KCNJ6: variants seen among roughly 807,000 people sequenced by gnomAD.
KCNJ6 encodes potassium inwardly rectifying channel subfamily J member 6.
In KCNJ6, 9 loss-of-function variants were observed where a neutral mutation model predicts 34.2. That is an observed-to-expected ratio of 0.26 (90% CI 0.16 to 0.46). KCNJ6 has a LOEUF of 0.46. KCNJ6 is among the 20% of genes least tolerant of loss of function. The pLI is 1.00. For synonymous variants in KCNJ6, 196 were observed against 207.1 expected, an observed-to-expected ratio of 0.95 and a Z score of 0.46; for missense variants, 236 against 531.3, an observed-to-expected ratio of 0.44 and a Z score of 5.46.
intron 2 of KCNJ6, among the ~76,000 whole-genome samples, chr21:37,728,558 G>T (rs1201412622): frequency 2.0e-5 from 3 of 152,184 alleles, no homozygotes; most frequent in Non-Finnish European, 4.4e-5. Flanking sequence ...TGCAGGAAGA[G>T]CTTACAAAGA....
At chr21:37,732,213 G>A (rs1375266047) in intron 2 of KCNJ6, among the ~76,000 whole-genome samples, 7 of 152,182 alleles carry the variant, frequency 4.6e-5, no homozygotes, top group Non-Finnish European at 1.0e-4. Flanking sequence ...TCAGAGAGAA[G>A]ATGGGCCCCT....
chr21:37,852,987 A>G (rs946333813), intron 1 of KCNJ6, among the ~76,000 whole-genome samples: 3 of 152,108 alleles, frequency 2.0e-5, no homozygotes, highest in African/African-American at 7.2e-5. Flanking sequence ...TGGACACTAG[A>G]GAGAAAATAG....
intron 3 of KCNJ6, among the ~76,000 whole-genome samples, chr21:37,677,148 A>G (rs2054568523): frequency 6.6e-6 from 1 of 152,208 alleles, no homozygotes; most frequent in Admixed American, 6.5e-5. Flanking sequence ...CTTGGACTGC[A>G]GGACTGGTCC....
rs1437469902 is a variant in KCNJ6 at position 37,912,523 on chromosome 21, C to T, written c.-28+3361G>A. ...CTATATTCTCGTATAGCTTCATCCT[C>T]ATAATGAACGTCTACTTCCCTTCTG... On this transcript the variant is annotated intron_variant, in intron 1 of 3. Transcript: ENST00000609713. 2.6e-5 allele frequency among the ~76,000 whole-genome samples: 4 copies of T among 152,304 alleles called. No homozygotes were observed. In the East Asian group the frequency reaches 7.7e-4, roughly 29 times the overall value.
intron 2 of KCNJ6, among the ~76,000 whole-genome samples, chr21:37,773,125 T>G (rs1396681127): frequency 6.6e-6 from 1 of 152,216 alleles, no homozygotes; most frequent in Admixed American, 6.5e-5. Context: ...AGGTGCTAAA[T>G]AACTGTTTGT....
intron 1 of KCNJ6, among the ~76,000 whole-genome samples, chr21:37,899,998 T>C (rs969503530): frequency 6.6e-6 from 1 of 152,206 alleles, no homozygotes; most frequent in Admixed American, 6.5e-5. Context: ...CCAGCTTCTT[T>C]GAATGTTTTC....
chr21:37,895,765 C>T (rs543530260), intron 1 of KCNJ6, among the ~76,000 whole-genome samples: 4 of 152,310 alleles, frequency 2.6e-5, no homozygotes, highest in South Asian at 4.1e-4. Context: ...CCCTCCCTCT[C>T]CTGCCCTGAC....
chr21:37,727,751 G>C (rs1033788567), intron 2 of KCNJ6, among the ~76,000 whole-genome samples: 1 of 152,158 alleles, frequency 6.6e-6, no homozygotes, highest in African/African-American at 2.4e-5. Flanking sequence ...GGGAGGAACG[G>C]AGAAAGATGG....
At chr21:37,669,056 T>G (rs1362494905) in intron 3 of KCNJ6, among the ~76,000 whole-genome samples, 2 of 152,218 alleles carry the variant, frequency 1.3e-5, no homozygotes, top group African/African-American at 4.8e-5. Context: ...CAGCTACCTA[T>G]GAGACTTCAT....
Position 37,677,383 on chromosome 21 carries a change from G to T in KCNJ6, c.946+36828C>A, listed in dbSNP as rs576545279. Among the ~76,000 whole-genome samples the T allele has an allele frequency of 2.0e-4, 31 of 152,214 alleles. No individual in the cohort carries two copies. In the South Asian group the frequency reaches 5.0e-3, roughly 24 times the overall value. On this transcript the variant is annotated intron_variant, in intron 3 of 3. Transcript: ENST00000609713. Reference sequence around the variant, plus strand: ...CAAAAGAATTTATTTTCAGTTTTTTGGGGAAAACCAATAAAAACACCTCCA... The same window carrying T: ...CAAAAGAATTTATTTTCAGTTTTTTTGGGAAAACCAATAAAAACACCTCCA...
At chr21:37,725,469 TG>T (rs2054849622) in intron 2 of KCNJ6, among the ~76,000 whole-genome samples, 1 of 152,204 alleles carries the variant, frequency 6.6e-6, no homozygotes, top group Non-Finnish European at 1.5e-5. Flanking sequence ...AGATAAACTT[TG>T]TTACCCTAAG....
rs2054304429 is a variant in KCNJ6 at position 37,625,040 on chromosome 21, G to A, written c.*119C>T. 3.8e-6 allele frequency: 3 copies of A among 789,734 alleles called. No individual in the cohort carries two copies. The African/African-American group carries it at 5.2e-5, about 14-fold the overall frequency. 48.9% of individuals were successfully genotyped at this position (789,734 alleles called of 1,614,324 possible). A position where few individuals can be genotyped will look rare whatever the true frequency, so the allele number is the denominator to read the frequency against. ...CCTTGAAGATTTGTTTTCTGGTCAT[G>A]TAAAAATTAAATATAAACAAATAAA... On this transcript the variant is annotated 3_prime_UTR_variant, in exon 4 of 4. Coordinates refer to ENST00000609713, the MANE Select transcript of KCNJ6 (RefSeq NM_002240.5).
chr21:37,752,603 C>T (rs1042479932), intron 2 of KCNJ6, among the ~76,000 whole-genome samples: 4 of 152,098 alleles, frequency 2.6e-5, no homozygotes, highest in African/African-American at 7.2e-5. Context: ...ATGGCAGACA[C>T]GCTGCCACAG....
At chr21:37,883,540 T>C (rs1175979312) in intron 1 of KCNJ6, among the ~76,000 whole-genome samples, 1 of 152,324 alleles carries the variant, frequency 6.6e-6, no homozygotes, top group Non-Finnish European at 1.5e-5. Context: ...AGGTGGGACA[T>C]GGCTGTGTTT....
chr21:37,871,142 C>G (rs1350915935), intron 1 of KCNJ6, among the ~76,000 whole-genome samples: 1 of 152,124 alleles, frequency 6.6e-6, no homozygotes, highest in Non-Finnish European at 1.5e-5. Context: ...ATGGAGGGGA[C>G]AGTTTCAAGT....
intron 1 of KCNJ6, among the ~76,000 whole-genome samples, chr21:37,865,384 G>A (rs1312362543): frequency 3.9e-5 from 6 of 152,050 alleles, no homozygotes; most frequent in Non-Finnish European, 8.8e-5. Flanking sequence ...TTTGCCAGTC[G>A]TGTCCCATCA....
chr21:37,656,477 T>C (rs1237242661), intron 3 of KCNJ6, among the ~76,000 whole-genome samples: 1 of 152,166 alleles, frequency 6.6e-6, no homozygotes, highest in African/African-American at 2.4e-5. Flanking sequence ...AGCTTTAGCA[T>C]GGTGGCCCCC....
intron 2 of KCNJ6, among the ~76,000 whole-genome samples, chr21:37,747,766 G>T (rs1276195507): frequency 6.6e-6 from 1 of 152,236 alleles, no homozygotes; most frequent in East Asian, 1.9e-4. Context: ...CAAGGAAACA[G>T]ATTCTCCCCT....
chr21:37,797,290 A>G (rs1035443853), intron 2 of KCNJ6, among the ~76,000 whole-genome samples: 2 of 152,132 alleles, frequency 1.3e-5, no homozygotes, highest in Admixed American at 1.3e-4. Flanking sequence ...ACCTCAAGTG[A>G]TCTGCCCGCC....
Sources: allele counts gnomAD v4.1 joint callset (sites outside exome capture counted in the v4.1 genomes callset), GRCh38; gene constraint gnomAD v4.1.1; transcripts MANE v1.5; gene names NCBI Gene and HGNC (gene_info 2026-07-23, HGNC 2026-07-21).